The following SLC35F2 variants were observed in gnomAD, a reference collection of about 807,000 sequenced individuals.
SLC35F2 encodes solute carrier family 35 member F2.
Under a neutral mutation model 38.1 loss-of-function variants are expected in SLC35F2, and 25 were observed. The observed-to-expected ratio is 0.66, with a 90% CI of 0.48 to 0.92. The LOEUF (loss-of-function observed/expected upper bound fraction) is 0.92. SLC35F2 is among the 40% of genes least tolerant of loss of function. SLC35F2 has a pLI of 0.00. For missense variants in SLC35F2, 409 were observed against 452.9 expected (o/e 0.90, Z 0.88); for synonymous variants, 173 against 181.7 (o/e 0.95, Z 0.38).
intron 7 of SLC35F2, among the ~76,000 whole-genome samples, chr11:107,794,076 AT>A (rs1380874495): frequency 2.0e-4 from 25 of 127,262 alleles, no homozygotes; most frequent in Non-Finnish European, 3.9e-4. Context: ...ATCAGTCTGT[AT>A]TTTTTCTTTT....
intron 5 of SLC35F2, 199 bp from the exon 6 acceptor site, chr11:107,804,969 CT>C (rs1168037912): frequency 1.1e-6 from 1 of 875,774 alleles, no homozygotes; most frequent in Non-Finnish European, 1.4e-6. Flanking sequence ...GTTTGACTCC[CT>C]TACAGGTGCT....
intron 7 of SLC35F2, among the ~76,000 whole-genome samples, chr11:107,797,344 G>A (rs746197999): frequency 3.4e-5 from 5 of 148,362 alleles, no homozygotes; most frequent in African/African-American, 5.1e-5. Flanking sequence ...AGAGAAAGAA[G>A]ATGAGAAGGA....
chr11:107,830,872 G>C (rs1859829359), intron 1 of SLC35F2, among the ~76,000 whole-genome samples: 1 of 151,826 alleles, frequency 6.6e-6, no homozygotes, highest in African/African-American at 2.4e-5. Flanking sequence ...TTGGGGAAAG[G>C]GTGTCAAAAT....
intron 3 of SLC35F2, among the ~76,000 whole-genome samples, chr11:107,807,894 C>G (rs1462437307): frequency 2.0e-5 from 3 of 152,070 alleles, no homozygotes. Flanking sequence ...TCTTTAAGTT[C>G]AGTAGACAAA....
chr11:107,801,817 G>A (rs1279712630), intron 7 of SLC35F2, among the ~76,000 whole-genome samples: 3 of 152,198 alleles, frequency 2.0e-5, no homozygotes, highest in Non-Finnish European at 4.4e-5. Context: ...GCAGTGGCAA[G>A]AAGCCTGGAC....
At chr11:107,833,938 C>T (rs948830422) in intron 1 of SLC35F2, among the ~76,000 whole-genome samples, 1 of 152,210 alleles carries the variant, frequency 6.6e-6, no homozygotes, top group Non-Finnish European at 1.5e-5. Context: ...TACAAAAAAG[C>T]AACGGAACCA....
chr11:107,818,351 A>C (rs2134799797), intron 1 of SLC35F2, among the ~76,000 whole-genome samples: 1 of 152,332 alleles, frequency 6.6e-6, no homozygotes, highest in Middle Eastern at 3.4e-3. Context: ...GAATAGCTTG[A>C]ACCCAAGAGG....
chr11:107,828,433 CAA>C (rs201937489), intron 1 of SLC35F2, among the ~76,000 whole-genome samples: 362 of 88,456 alleles, frequency 4.1e-3, no homozygotes, highest in African/African-American at 0.011. Flanking sequence ...AACTCCATCT[CAA>C]AAAAAAAAAA....
intron 4 of SLC35F2, among the ~76,000 whole-genome samples, chr11:107,805,829 A>G (rs1162156807): frequency 6.6e-6 from 1 of 152,114 alleles, no homozygotes; most frequent in Non-Finnish European, 1.5e-5. Flanking sequence ...GGCACCCTCC[A>G]TCATGCCTGG....
At chr11:107,810,354 TA>T in intron 3 of SLC35F2, 2 of 985,360 alleles carry the variant, frequency 2.0e-6, no homozygotes, top group Non-Finnish European at 2.4e-6. Flanking sequence ...GTGTTCTGTT[TA>T]ACTGTGTTTA....
intron 1 of SLC35F2, among the ~76,000 whole-genome samples, chr11:107,851,395 G>A (rs150912505): frequency 3.7e-3 from 565 of 151,030 alleles, no homozygotes; most frequent in African/African-American, 0.012. Context: ...CCCCGGAGAC[G>A]GAGGTTGCAG....
At chr11:107,808,027 T>C (rs1859425216) in intron 3 of SLC35F2, among the ~76,000 whole-genome samples, 1 of 152,122 alleles carries the variant, frequency 6.6e-6, no homozygotes, top group Non-Finnish European at 1.5e-5. Context: ...GCTGTGTCCT[T>C]AGGAGCACAC....
chr11:107,849,578 G>T (rs796780491), intron 1 of SLC35F2, among the ~76,000 whole-genome samples: 7 of 150,352 alleles, frequency 4.7e-5, no homozygotes, highest in African/African-American at 1.7e-4. Context: ...GGCGAAAGTT[G>T]CAGTGAGCTG....
At chr11:107,828,483 G>T (rs1239306521) in intron 1 of SLC35F2, among the ~76,000 whole-genome samples, 2 of 150,832 alleles carry the variant, frequency 1.3e-5, no homozygotes, top group Non-Finnish European at 1.5e-5. Context: ...TTAACTTGCT[G>T]GTCTTCTTTG....
chr11:107,823,289 G>C (rs772203659), intron 1 of SLC35F2: 87 of 835,324 alleles, frequency 1.0e-4, no homozygotes, highest in South Asian at 8.2e-4. Context: ...CCAAGTGACC[G>C]ATAAGATGCA....
At chr11:107,843,846 TAAAAAAA>T (rs780744909) in intron 1 of SLC35F2, among the ~76,000 whole-genome samples, 49 of 45,188 alleles carry the variant, frequency 1.1e-3, no homozygotes, top group African/African-American at 5.5e-3. Context: ...CTCTGTATCT[TAAAAAAA>T]AAAAAAAAAA....
rs1276109064 is a variant in SLC35F2, at chr11:107,815,864, G to C, written c.212C>G (p.Thr71Ser). 3 of 1,613,952 alleles carry C rather than the reference G, an allele frequency of 1.9e-6. No individual in the cohort carries two copies. The highest frequency in any genetic ancestry group is 1.3e-5 in the African/African-American group (1 of 74,894). ...ATTGATAAAGCTCTGAAGCATGGGG[G>C]TGTTCACTTTGTATCTTTCTGCCAA... ...QYLAERYKVN[T>S]PMLQSFINYC... Residue 71 changes from threonine (T) to serine (S), a missense_variant, in exon 2 of 8, where the codon ACC (threonine) becomes AGC (serine). Coordinates refer to ENST00000525815, the MANE Select transcript of SLC35F2 (RefSeq NM_017515.5).
At chr11:107,805,082 A>G (rs1328948149) in intron 5 of SLC35F2, 1 of 985,338 alleles carries the variant, frequency 1.0e-6, no homozygotes, top group Non-Finnish European at 1.2e-6. Flanking sequence ...AATAACTAAA[A>G]AAACTCCTTA....
intron 2 of SLC35F2, among the ~76,000 whole-genome samples, chr11:107,813,375 G>A (rs1480039691): frequency 6.6e-6 from 1 of 152,140 alleles, no homozygotes; most frequent in African/African-American, 2.4e-5. Context: ...AACCCAGGAG[G>A]CAGAGGTTGC....
Sources: allele counts gnomAD v4.1 joint callset (sites outside exome capture counted in the v4.1 genomes callset), GRCh38; gene constraint gnomAD v4.1.1; transcripts MANE v1.5; gene names NCBI Gene and HGNC (gene_info 2026-07-23, HGNC 2026-07-21).